Variants in DGKB observed in about 807,000 individuals in gnomAD.
DGKB encodes the protein diacylglycerol kinase beta.
DGKB carries 67 observed loss-of-function variants against 114.3 expected under a neutral mutation model. The ratio of observed to expected loss-of-function variants is 0.59; its 90% CI spans 0.48 to 0.72. The LOEUF is 0.72. DGKB is among the 30% of genes least tolerant of loss of function. The probability of loss-of-function intolerance (pLI) is 0.00; values close to 1 mark genes in which losing one functional copy is unlikely to be tolerated. For synonymous variants in DGKB, 398 were observed against 323.1 expected, an observed-to-expected ratio of 1.23 and a Z score of -2.49; for missense variants, 907 against 975.2, an observed-to-expected ratio of 0.93 and a Z score of 0.93.
intron 23 of DGKB, among the ~76,000 whole-genome samples, chr7:14,323,576 G>T (rs529224029): frequency 7.9e-5 from 12 of 152,320 alleles, no homozygotes; most frequent in African/African-American, 2.9e-4. Context: ...CCTGAAAGAA[G>T]CAAGTGAGAA....
At chr7:14,619,064 A>G (rs1016989166) in intron 15 of DGKB, among the ~76,000 whole-genome samples, 17 of 151,522 alleles carry the variant, frequency 1.1e-4, no homozygotes, top group Non-Finnish European at 2.5e-4. Flanking sequence ...CTCCAAAACT[A>G]TGTGGCTATA....
intron 16 of DGKB, among the ~76,000 whole-genome samples, chr7:14,612,152 C>CTTATTTTATTTTATTTTATTTTATT (rs1392275749): frequency 1.9e-4 from 18 of 92,810 alleles, no homozygotes; most frequent in East Asian, 9.8e-4. Context: ...AAATCTTATA[C>CTTATTTTATTTTATTTTATTTTATT]TCATTTTATT....
At chr7:14,766,980 G>GA (rs921236629) in intron 2 of DGKB, among the ~76,000 whole-genome samples, 146 of 147,610 alleles carry the variant, frequency 9.9e-4, no homozygotes, top group African/African-American at 2.4e-3. Flanking sequence ...CAGTAGCTGG[G>GA]AAAAAAAAAA....
At chr7:14,170,162 AAAGAAAGAAAGAAAGAAAG>A (rs1780732911) in intron 25 of DGKB, among the ~76,000 whole-genome samples, 1 of 88,090 alleles carries the variant, frequency 1.1e-5, no homozygotes, top group African/African-American at 6.5e-5. Context: ...AGAAAGAAAG[AAAGAAAGAAAGAAAGAAAG>A]AAAGAAAGAA....
intron 2 of DGKB, among the ~76,000 whole-genome samples, chr7:14,814,441 C>T (rs911858175): frequency 2.6e-5 from 4 of 152,134 alleles, no homozygotes; most frequent in African/African-American, 9.7e-5. Context: ...TGAAAAAACA[C>T]AGAGATATGT....
At chr7:14,890,845 A>G (rs966086986) in intron 1 of DGKB, among the ~76,000 whole-genome samples, 2 of 148,330 alleles carry the variant, frequency 1.3e-5, no homozygotes, top group Non-Finnish European at 3.0e-5. Flanking sequence ...CTGAATACCC[A>G]TGACCAATTC....
intron 23 of DGKB, among the ~76,000 whole-genome samples, chr7:14,335,848 A>T (rs971612866): frequency 7.2e-5 from 11 of 151,980 alleles, no homozygotes; most frequent in African/African-American, 2.4e-4. Flanking sequence ...TGAACTCCTG[A>T]GGTCAAGGGA....
chr7:14,152,867 T>C (rs1397514899), intron 25 of DGKB, among the ~76,000 whole-genome samples: 2 of 152,136 alleles, frequency 1.3e-5, no homozygotes, highest in African/African-American at 4.8e-5. Flanking sequence ...AACGTTGATC[T>C]GGCTCTTACT....
intron 2 of DGKB, among the ~76,000 whole-genome samples, chr7:14,787,085 G>A (rs11979425): frequency 0.01 from 1,581 of 152,198 alleles, 13 homozygotes; most frequent in African/African-American, 0.036. Flanking sequence ...TGTCCTGAGA[G>A]CTGTACTGTC....
intron 23 of DGKB, among the ~76,000 whole-genome samples, chr7:14,286,173 C>A (rs1800835537): frequency 6.6e-6 from 1 of 152,066 alleles, no homozygotes; most frequent in Non-Finnish European, 1.5e-5. Context: ...TTTAGGGAAG[C>A]CCTACATGAA....
chr7:14,851,995 A>G (rs556060961), intron 1 of DGKB, among the ~76,000 whole-genome samples: 1 of 152,322 alleles, frequency 6.6e-6, no homozygotes, highest in Non-Finnish European at 1.5e-5. Flanking sequence ...AGCCAATTCT[A>G]CTATGCCCAT....
intron 20 of DGKB, among the ~76,000 whole-genome samples, chr7:14,485,099 CACACACA>C (rs1563294435): frequency 8.5e-4 from 1 of 1,176 alleles, no homozygotes; most frequent in East Asian, 3.9e-3. Context: ...ACACACACCA[CACACACA>C]CACACACACA....
intron 13 of DGKB, among the ~76,000 whole-genome samples, chr7:14,650,135 A>T (rs1814116073): frequency 6.9e-6 from 1 of 145,930 alleles, no homozygotes; most frequent in South Asian, 2.3e-4. Flanking sequence ...TCAGCTCTGC[A>T]CCAAGTGGAC....
At chr7:14,835,465 G>A (rs546588144) in intron 2 of DGKB, among the ~76,000 whole-genome samples, 4 of 152,164 alleles carry the variant, frequency 2.6e-5, no homozygotes, top group African/African-American at 9.7e-5. Context: ...CAAATTATGT[G>A]TTCTCAGACA....
chr7:14,920,957 A>T (rs1167631580), intron 1 of DGKB, among the ~76,000 whole-genome samples: 1 of 152,108 alleles, frequency 6.6e-6, no homozygotes, highest in Non-Finnish European at 1.5e-5. Context: ...TAAATTTTCC[A>T]TTCCCACTCT....
chr7:14,231,118 TC>T (rs1383939486), intron 23 of DGKB, among the ~76,000 whole-genome samples: 12 of 126,300 alleles, frequency 9.5e-5, no homozygotes, highest in Non-Finnish European at 1.2e-4. Flanking sequence ...TTTCTTTCTT[TC>T]TTTCTTTCTT....
chr7:14,461,801 A>AAAAAAG (rs1833120957), intron 21 of DGKB, among the ~76,000 whole-genome samples: 1 of 152,178 alleles, frequency 6.6e-6, no homozygotes. Context: ...AGACACAACA[A>AAAAAAG]AAAAAGAAAA....
chr7:14,180,718 A>G (rs1421283178), intron 23 of DGKB, among the ~76,000 whole-genome samples: 4 of 152,204 alleles, frequency 2.6e-5, no homozygotes, highest in African/African-American at 9.7e-5. Context: ...TCTGTATACA[A>G]TTGATGCCCC....
chr7:14,345,511 A>C, intron 21 of DGKB, 120 bp from the exon 22 acceptor site: 1 of 565,558 alleles, frequency 1.8e-6, no homozygotes, highest in Non-Finnish European at 3.1e-6. Flanking sequence ...GTGACATCTA[A>C]AATGTAATAG....
Sources: gnomAD v4.1 joint callset for allele counts (sites outside exome capture counted in the v4.1 genomes callset) on GRCh38, gnomAD v4.1.1 for gene constraint, MANE v1.5 for transcripts, NCBI Gene and HGNC (gene_info 2026-07-23, HGNC 2026-07-21) for gene names.